FBXO10: variants seen among roughly 807,000 people sequenced by gnomAD.
The protein encoded by FBXO10 is F-box only protein 10.
A neutral mutation model predicts 80.7 loss-of-function variants in FBXO10; 39 were observed. The ratio of observed to expected loss-of-function variants is 0.48; its 90% confidence interval spans 0.37 to 0.63. The LOEUF (loss-of-function observed/expected upper bound fraction) is 0.63. Among genes scored for constraint, FBXO10 ranks in the 30% least tolerant of loss-of-function variants. The probability of loss-of-function intolerance (pLI) is 0.00; values close to 1 mark genes in which losing one functional copy is unlikely to be tolerated. For synonymous variants in FBXO10, 449 were observed against 489.6 expected, an observed-to-expected ratio of 0.92 and a Z score of 1.09; for missense variants, 1,025 against 1,269.0, an observed-to-expected ratio of 0.81 and a Z score of 2.92.
At chr9:37,575,333 G>T (rs1185067338) in intron 1 of FBXO10, among the ~76,000 whole-genome samples, 2 of 152,160 alleles carry the variant, frequency 1.3e-5, no homozygotes, top group African/African-American at 2.4e-5. Context: ...AAACCAAAAC[G>T]GCAGTTTTCA....
intron 3 of FBXO10, among the ~76,000 whole-genome samples, chr9:37,534,387 C>T (rs1407002359): frequency 6.6e-6 from 1 of 152,148 alleles, no homozygotes; most frequent in Non-Finnish European, 1.5e-5. Flanking sequence ...AAGACAGGTG[C>T]CTTTCGGAGC....
At chr9:37,568,685 G>A (rs1442826691) in intron 1 of FBXO10, among the ~76,000 whole-genome samples, 3 of 152,026 alleles carry the variant, frequency 2.0e-5, no homozygotes, top group Admixed American at 6.6e-5. Flanking sequence ...GTCTAAGGTC[G>A]GAGTTCACGT....
rs757855896 is a variant in FBXO10 at position 37,516,005 on chromosome 9, G to A, written c.2595C>T (p.Asn865=). Residue 865 remains asparagine, a synonymous_variant, in exon 10 of 11, where the codon AAC becomes AAT. Coordinates refer to ENST00000432825, the MANE Select transcript of FBXO10 (RefSeq NM_012166.3). ...RGRAKALVQE[N]IIFQGKTSKT... is the part of the protein sequence containing the mutation. ...TACTGGTTTTGCCCTGGAAGATGATGTTTTCCTGCACCAGGGCCTTGGCAC... is the reference window on the plus strand; with the variant it reads ...TACTGGTTTTGCCCTGGAAGATGATATTTTCCTGCACCAGGGCCTTGGCAC... 4 of 1,613,954 alleles carry A rather than the reference G, an allele frequency of 2.5e-6. No individual in the cohort carries two copies. Among genetic ancestry groups the A allele is most frequent in the East Asian group, 2.2e-5 (1 of 44,902 alleles).
rs140950888 is a variant in FBXO10 at position 37,534,273 on chromosome 9, C to T, written c.1420-2215G>A. Among the ~76,000 whole-genome samples the T allele has an allele frequency of 4.8e-4, 73 of 152,226 alleles. 1 individual carries two copies. The highest frequency in any genetic ancestry group is 7.2e-4 in the Admixed American group (11 of 15,292). ...ATAAATGGTAAGGTTTCAGCTTCTG[C>T]TTAGGATGGAGAAAGTAGAAAGAAT... On this transcript the variant is annotated intron_variant, in intron 3 of 10. Transcript: ENST00000432825.
chr9:37,534,700 A>T (rs901769428), intron 3 of FBXO10, among the ~76,000 whole-genome samples: 3 of 152,176 alleles, frequency 2.0e-5, no homozygotes, highest in Admixed American at 2.0e-4. Context: ...GAGACTGGAG[A>T]CAGCACCCTC....
rs902438934 is a variant in FBXO10, at chr9:37,511,783, T to C, written c.*764A>G. 1 of 152,624 alleles carries C rather than the reference T, an allele frequency of 6.6e-6. No homozygotes were observed. Among genetic ancestry groups the C allele is most frequent in the African/African-American group, 2.4e-5 (1 of 41,428 alleles). The allele number at this position is 152,624 out of a possible 1,614,324, so 9.5% of individuals were successfully genotyped here. A position where few individuals can be genotyped will look rare whatever the true frequency, so the allele number is the denominator to read the frequency against. ...AGGTACCCTCATCTGAACAGGCTGA[T>C]GCTCAGGAGGGGCGGCTGGTGTGGG... is the stretch of plus-strand genomic sequence containing the variant. On this transcript the variant is annotated 3_prime_UTR_variant, in exon 11 of 11. Coordinates refer to ENST00000432825, the MANE Select transcript of FBXO10 (RefSeq NM_012166.3).
chr9:37,529,084 G>A (rs1231794134), intron 5 of FBXO10, 40 bp downstream of exon 5: 6 of 1,612,280 alleles, frequency 3.7e-6, no homozygotes, highest in Non-Finnish European at 5.1e-6. Context: ...AGACAGGGAG[G>A]AGGTTAACAA....
At chr9:37,538,481 G>A (rs1464505646) in intron 2 of FBXO10, among the ~76,000 whole-genome samples, 1 of 152,138 alleles carries the variant, frequency 6.6e-6, no homozygotes, top group Non-Finnish European at 1.5e-5. Context: ...GCCAAGATGG[G>A]CAGATCACTT....
Position 37,525,171 on chromosome 9 carries a change from C to G in FBXO10, c.1708G>C (p.Gly570Arg). The G allele has an allele frequency of 6.4e-7, 1 of 1,560,826 alleles. No individual in the cohort carries two copies. Among genetic ancestry groups the G allele is most frequent in the Non-Finnish European group, 8.7e-7 (1 of 1,152,244 alleles). The change falls in exon 6 of 11, where the codon GGG becomes CGG. Residue 570 changes from glycine (G) to arginine (R), a missense_variant and splice_region_variant. This residue lies in a region of FBXO10 where 478 missense variants were observed against 667.8 expected (regional missense o/e 0.72). Coordinates refer to ENST00000432825, the MANE Select transcript of FBXO10 (RefSeq NM_012166.3). ...GCACGGCCCTTGAAGATGTGGTTCC[C>G]GCTAAAGTGGAAGGAAAACAAAACA... ...ILYHGNPVVSGNHIFKGRAAG... is the reference protein window; with the variant it reads ...ILYHGNPVVSRNHIFKGRAAG...
At chr9:37,516,212 T>G (rs931771282) in intron 9 of FBXO10, 127 bp from the exon 10 acceptor site, 1 of 1,067,074 alleles carries the variant, frequency 9.4e-7, no homozygotes, top group African/African-American at 1.6e-5. Flanking sequence ...GTGAAGAGCC[T>G]ATGAGCTCAA....
At chr9:37,545,830 C>T (rs1301984265) in intron 1 of FBXO10, among the ~76,000 whole-genome samples, 1 of 152,192 alleles carries the variant, frequency 6.6e-6, no homozygotes, top group Non-Finnish European at 1.5e-5. Context: ...TGTTTTCAGG[C>T]ACTGAGCAGC....
intron 10 of FBXO10, among the ~76,000 whole-genome samples, chr9:37,513,282 T>A (rs1187144860): frequency 6.6e-6 from 1 of 152,210 alleles, no homozygotes; most frequent in Non-Finnish European, 1.5e-5. Context: ...TATAGGTGTG[T>A]GCCACGGTGC....
intron 1 of FBXO10, among the ~76,000 whole-genome samples, chr9:37,563,518 T>C (rs895561099): frequency 8.5e-5 from 13 of 152,268 alleles, no homozygotes; most frequent in East Asian, 1.9e-4. Flanking sequence ...GTTTGGAGCT[T>C]CTTAGGGACT....
chr9:37,512,460 G>C lies in FBXO10; in HGVS notation c.*87C>G, dbSNP rs1821079803. 1 of 1,456,322 alleles carries C rather than the reference G, an allele frequency of 6.9e-7. No individual in the cohort carries two copies. The highest frequency in any genetic ancestry group is 2.3e-5 in the East Asian group (1 of 43,440). The allele number at this position is 1,456,322 out of a possible 1,614,324, so 90.2% of individuals were successfully genotyped here. On this transcript the variant is annotated 3_prime_UTR_variant, in exon 11 of 11. Coordinates refer to ENST00000432825, the MANE Select transcript of FBXO10 (RefSeq NM_012166.3). Reference sequence around the variant, plus strand: ...GGACCCATTTGTTCGAGGGGGAGGGGGAGGGGCGGAGTCTTTTCAGGCAGT... The same window carrying C: ...GGACCCATTTGTTCGAGGGGGAGGGCGAGGGGCGGAGTCTTTTCAGGCAGT...
Position 37,521,805 on chromosome 9 carries a change from G to A in FBXO10, c.1964C>T (p.Ser655Phe), listed in dbSNP as rs745704178. Residue 655 changes from serine (S) to phenylalanine (F), a missense_variant, in exon 8 of 11, where the codon TCC (serine) becomes TTC (phenylalanine). Ser to Phe is a radical substitution (Grantham distance 155). Transcript: ENST00000432825. ...NKGCGVWMMSSSLPHVTSNHV... is the reference protein window; with the variant it reads ...NKGCGVWMMSFSLPHVTSNHV... ...GTTGCTGGTGACATGGGGGAGGCTGGACGACATCATCCACACACCACAGCC... is the reference window on the plus strand; with the variant it reads ...GTTGCTGGTGACATGGGGGAGGCTGAACGACATCATCCACACACCACAGCC... 1.2e-6 allele frequency: 2 copies of A among 1,602,664 alleles called. No individual in the cohort carries two copies. Among genetic ancestry groups the A allele is most frequent in the Non-Finnish European group, 1.7e-6 (2 of 1,177,764 alleles).
chr9:37,537,326 C>T lies in FBXO10; in HGVS notation c.1203G>A (p.Leu401=), dbSNP rs758383471. The change falls in exon 3 of 11, where the codon CTG becomes CTA. Residue 401 remains leucine, a synonymous_variant. Transcript: ENST00000432825. ...GTGAGTTCAGCACTAGGCAGCTGGG[C>T]AGCTGAATGGATGCTCCTGGTAGAG... The part of the protein sequence containing the change: ...GPPLPGASIQ[L]PSCLVLNSLQ... 1.1e-5 allele frequency: 18 copies of T among 1,609,108 alleles called. No individual in the cohort carries two copies. The highest frequency in any genetic ancestry group is 9.4e-5 in the African/African-American group (7 of 74,832).
rs1821038682 is a variant in FBXO10, at chr9:37,511,060, G to T, written c.*1487C>A. On this transcript the variant is annotated 3_prime_UTR_variant, in exon 11 of 11. Transcript: ENST00000432825. ...ACAGTGCCAGGGATAGAAGAGGCCAGTACTCTTGTGCCCAGTGTTCTCAGG... is the reference window on the plus strand; with the variant it reads ...ACAGTGCCAGGGATAGAAGAGGCCATTACTCTTGTGCCCAGTGTTCTCAGG... 6.5e-6 allele frequency: 1 copy of T among 152,680 alleles called. No homozygotes were observed. Among genetic ancestry groups the T allele is most frequent in the Non-Finnish European group, 1.5e-5 (1 of 68,070 alleles). The allele number at this position is 152,680 out of a possible 1,614,324, so 9.5% of individuals were successfully genotyped here. A position where few individuals can be genotyped will look rare whatever the true frequency, so the allele number is the denominator to read the frequency against.
At chr9:37,512,784 T>A in intron 10 of FBXO10, 63 bp from the exon 11 acceptor site, 5 of 1,529,668 alleles carry the variant, frequency 3.3e-6, no homozygotes, top group Non-Finnish European at 4.4e-6. Flanking sequence ...CTGAATGCCC[T>A]GCACAGTCTT....
Position 37,518,187 on chromosome 9 carries a change from C to A in FBXO10, c.2452G>T (p.Glu818Ter). The A allele has an allele frequency of 6.2e-7, 1 of 1,614,088 alleles. No individual in the cohort carries two copies. Among genetic ancestry groups the A allele is most frequent in the African/African-American group, 1.3e-5 (1 of 75,074 alleles). Residue 818 changes from glutamate to a stop codon, truncating the protein, a stop_gained, in exon 9 of 11, where the codon GAA becomes TAA. Transcript: ENST00000432825. LOFTEE classifies it high-confidence loss of function. ...ITKGDSTIVIENDIIGNRGSG... is the reference protein window; with the variant it reads ...ITKGDSTIVI Reference sequence around the variant, plus strand: ...CCCCGGTTGCCAATGATATCGTTTTCAATGACGATGGTGCTGTCGCCCTTG... The same window carrying A: ...CCCCGGTTGCCAATGATATCGTTTTAAATGACGATGGTGCTGTCGCCCTTG...
Sources: gnomAD v4.1 joint callset for allele counts (sites outside exome capture counted in the v4.1 genomes callset) on GRCh38, gnomAD v4.1.1 for gene constraint, gnomAD v4.1.1 regional missense constraint, MANE v1.5 for transcripts, NCBI Gene and HGNC (gene_info 2026-07-23, HGNC 2026-07-21) for gene names.